Variants in DAB2 observed in about 807,000 individuals in gnomAD.
The protein encoded by DAB2 is DAB adaptor protein 2, also known as disabled homolog 2.
Under a neutral mutation model 71.6 loss-of-function variants are expected in DAB2, and 28 were observed. The observed-to-expected ratio is 0.39, with a 90% CI of 0.29 to 0.54. The LOEUF (loss-of-function observed/expected upper bound fraction) is 0.54, where lower values mean the gene tolerates loss of function less well. Among genes scored for constraint, DAB2 ranks in the 20% least tolerant of loss-of-function variants. The pLI, the probability that DAB2 is intolerant of heterozygous loss-of-function variation, is 0.68. For synonymous variants in DAB2, 345 were observed against 339.7 expected (o/e 1.02, Z -0.17); for missense variants, 867 against 928.8 (o/e 0.93, Z 0.86).
chr5:39,374,178 C>T (rs1754764237), intron 14 of DAB2, among the ~76,000 whole-genome samples: 1 of 151,970 alleles, frequency 6.6e-6, no homozygotes, highest in South Asian at 2.1e-4. Flanking sequence ...TTGGATGAGA[C>T]AAGATTGGAA....
At chr5:39,401,613 A>G (rs1023902578) in intron 1 of DAB2, among the ~76,000 whole-genome samples, 2 of 152,168 alleles carry the variant, frequency 1.3e-5, no homozygotes, top group Non-Finnish European at 2.9e-5. Flanking sequence ...AGCTATTAGA[A>G]AAAAAATCAG....
intron 1 of DAB2, among the ~76,000 whole-genome samples, chr5:39,398,091 A>G (rs1419566646): frequency 6.6e-6 from 1 of 152,226 alleles, no homozygotes; most frequent in Non-Finnish European, 1.5e-5. Flanking sequence ...GCCGGATATC[A>G]TACTTCACTG....
chr5:39,380,701 C>T (rs770070185), intron 11 of DAB2, among the ~76,000 whole-genome samples: 4 of 152,184 alleles, frequency 2.6e-5, no homozygotes, highest in African/African-American at 7.2e-5. Flanking sequence ...GAGTGATCAG[C>T]GGCTCACACA....
In DAB2 at chr5:39,381,502, G is replaced by A. The variant is rs777316793; in HGVS notation, c.1456C>T (p.Leu486Phe). Residue 486 changes from leucine to phenylalanine, a missense_variant, in exon 11 of 15, where the codon CTC (leucine) becomes TTC (phenylalanine). Physicochemically the swap from Leu to Phe is conservative, Grantham distance 22 (BLOSUM62 0). Coordinates refer to ENST00000320816, the MANE Select transcript of DAB2 (RefSeq NM_001343.4). ...GGGGCAGGAGCACTTGTTTTGAAGA[G>A]ATCCAGAGGGTTGGGCTGCAGGGCT... is the stretch of plus-strand genomic sequence containing the variant. Reference protein sequence around the residue: ...PTALQPNPLDLFKTSAPAPVG... With the variant: ...PTALQPNPLDFFKTSAPAPVG... 31 of 1,614,006 alleles carry A rather than the reference G, an allele frequency of 1.9e-5. No homozygotes were observed. In the Admixed American group the frequency reaches 4.7e-4, roughly 24 times the overall value.
At chr5:39,405,291 C>T (rs1488382061) in intron 1 of DAB2, among the ~76,000 whole-genome samples, 70 of 152,166 alleles carry the variant, frequency 4.6e-4, no homozygotes, top group Non-Finnish European at 2.9e-5. Context: ...AGAGAGTATA[C>T]ACCCATTTCA....
Position 39,376,836 on chromosome 5 carries a change from C to T in DAB2, c.1951G>A (p.Val651Met). Residue 651 changes from valine (V) to methionine (M), a missense_variant, in exon 12 of 15, where the codon GTG (valine) becomes ATG (methionine). By Grantham distance (21) the Val-to-Met change is conservative. Around this residue, in one of 2 missense-constraint regions of DAB2, gnomAD observed 740 missense variants for 734.3 expected, o/e 1.01. Coordinates refer to ENST00000320816, the MANE Select transcript of DAB2 (RefSeq NM_001343.4). ...TGGAAATCCTTAAACATTTCTTTCACATCCTTGATCTCTTTATCCCCAAGT... is the reference window on the plus strand; with the variant it reads ...TGGAAATCCTTAAACATTTCTTTCATATCCTTGATCTCTTTATCCCCAAGT... ...DPLGDKEIKD[V>M]KEMFKDFQLR... The T allele has an allele frequency of 6.2e-7, 1 of 1,614,150 alleles. No homozygotes were observed. Among genetic ancestry groups the T allele is most frequent in the Non-Finnish European group, 8.5e-7 (1 of 1,180,022 alleles).
At position 39,375,987 on chromosome 5, in the gene DAB2, T is replaced by C. The variant is rs901595291; in HGVS notation, c.2247+10A>G. On this transcript the variant is annotated intron_variant, in intron 13 of 14. Coordinates refer to ENST00000320816, the MANE Select transcript of DAB2 (RefSeq NM_001343.4). ...ACTTTGGAGAAGAGCTTCTAGTAGT[T>C]CATACTTACAGAGGCTTGTGATGAA... The C allele has an allele frequency of 1.2e-6, 2 of 1,604,686 alleles. No individual in the cohort carries two copies. The highest frequency in any genetic ancestry group is 1.7e-6 in the Non-Finnish European group (2 of 1,171,474).
rs765899268 is a variant in DAB2, at chr5:39,393,304, G to C, written c.181C>G (p.Pro61Ala). Residue 61 changes from proline (P) to alanine (A), a missense_variant, in exon 3 of 15, where the codon CCA becomes GCA. Pro to Ala is a conservative substitution (Grantham distance 27). Around this residue, in one of 2 missense-constraint regions of DAB2, gnomAD observed 127 missense variants for 194.4 expected, o/e 0.65. Transcript: ENST00000320816. ...KAKLIGIDDV[P>A]DARGDKMSQD... ...CTCATTTTATCCCCTCTTGCATCTG[G>C]CACATCATCAATGCCAATCAGCTTG... 1.2e-6 allele frequency: 2 copies of C among 1,613,722 alleles called. No individual in the cohort carries two copies. Among genetic ancestry groups the C allele is most frequent in the South Asian group, 2.2e-5 (2 of 91,058 alleles).
chr5:39,402,233 A>G (rs1004179776), intron 1 of DAB2, among the ~76,000 whole-genome samples: 2 of 152,176 alleles, frequency 1.3e-5, no homozygotes, highest in African/African-American at 4.8e-5. Flanking sequence ...TTGGGTGGAG[A>G]CAAAGCCAAA....
intron 1 of DAB2, among the ~76,000 whole-genome samples, chr5:39,395,398 T>A (rs1349693207): frequency 6.6e-6 from 1 of 152,220 alleles, no homozygotes; most frequent in African/African-American, 2.4e-5. Flanking sequence ...CCCTCTTCAT[T>A]CCGTGCCTAT....
At chr5:39,399,626 A>T (rs1755451477) in intron 1 of DAB2, among the ~76,000 whole-genome samples, 1 of 152,208 alleles carries the variant, frequency 6.6e-6, no homozygotes, top group Non-Finnish European at 1.5e-5. Flanking sequence ...CTTCTGTGGG[A>T]CTAGCATCAG....
At chr5:39,398,712 G>T (rs1755434116) in intron 1 of DAB2, among the ~76,000 whole-genome samples, 1 of 152,144 alleles carries the variant, frequency 6.6e-6, no homozygotes, top group Non-Finnish European at 1.5e-5. Context: ...CTTATTGCAA[G>T]ATTTTAACAA....
intron 1 of DAB2, among the ~76,000 whole-genome samples, chr5:39,421,290 C>T (rs928206996): frequency 2.0e-5 from 3 of 152,182 alleles, no homozygotes; most frequent in African/African-American, 4.8e-5. Context: ...CACAAAGACA[C>T]TTAATTCAGT....
chr5:39,385,956 C>T (rs964748359), intron 9 of DAB2, among the ~76,000 whole-genome samples: 3 of 152,182 alleles, frequency 2.0e-5, no homozygotes, highest in African/African-American at 7.2e-5. Context: ...ATTTTTCTGT[C>T]TGCACTTGCC....
chr5:39,404,325 C>T (rs1039178682), intron 1 of DAB2, among the ~76,000 whole-genome samples: 1 of 150,706 alleles, frequency 6.6e-6, no homozygotes, highest in Non-Finnish European at 1.5e-5. Context: ...GGCACACCAA[C>T]ATGGCACATG....
intron 13 of DAB2, among the ~76,000 whole-genome samples, chr5:39,375,339 A>G (rs1480726406): frequency 6.6e-6 from 1 of 152,210 alleles, no homozygotes; most frequent in Admixed American, 6.5e-5. Flanking sequence ...CACAGGCTAT[A>G]GAAATATTGT....
intron 11 of DAB2, among the ~76,000 whole-genome samples, chr5:39,379,232 C>T (rs1333885072): frequency 6.6e-6 from 1 of 151,944 alleles, no homozygotes; most frequent in Middle Eastern, 3.2e-3. Context: ...AGTGGGAGGA[C>T]CACTTGAGGC....
intron 6 of DAB2, among the ~76,000 whole-genome samples, chr5:39,389,551 C>T (rs1375801302): frequency 6.6e-6 from 1 of 152,170 alleles, no homozygotes; most frequent in East Asian, 1.9e-4. Flanking sequence ...CGTTCTGTCG[C>T]CCAGGCTGGA....
At chr5:39,403,038 G>C (rs1053524415) in intron 1 of DAB2, among the ~76,000 whole-genome samples, 1 of 152,132 alleles carries the variant, frequency 6.6e-6, no homozygotes, top group African/African-American at 2.4e-5. Context: ...TGGGCATAGA[G>C]ACCCAGGTAT....
Sources: allele counts gnomAD v4.1 joint callset (sites outside exome capture counted in the v4.1 genomes callset), GRCh38; gene constraint gnomAD v4.1.1; regional missense constraint gnomAD v4.1.1; transcripts MANE v1.5; gene names NCBI Gene and HGNC (gene_info 2026-07-23, HGNC 2026-07-21).